Variants in BAG6 observed in about 807,000 individuals in gnomAD.
The protein encoded by BAG6 is BAG cochaperone 6.
Under a neutral mutation model 121.0 loss-of-function variants are expected in BAG6, and 22 were observed. That is an observed-to-expected ratio of 0.18 (90% CI 0.13 to 0.26). BAG6 has a LOEUF of 0.26. Ranked by LOEUF, BAG6 falls within the 10% of genes least tolerant of loss-of-function variation. BAG6 has a pLI of 1.00. For missense variants in BAG6, 1,233 were observed against 1,537.7 expected (o/e 0.80, Z 3.31); for synonymous variants, 583 against 584.6 (o/e 1.00, Z 0.04).
At chr6:31,652,039 G>A (rs1329542063) in intron 1 of BAG6, 9 of 381,126 alleles carry the variant, frequency 2.4e-5, no homozygotes, top group South Asian at 4.6e-5. Flanking sequence ...GAGCCAGTCA[G>A]ATTAGGAAGG....
rs773935453 is a variant in BAG6, at chr6:31,644,118, A to T, written c.1632T>A (p.Pro544=). Residue 544 remains proline (P), a synonymous_variant, in exon 13 of 26, where the codon CCT becomes CCA. Coordinates refer to ENST00000676615, the MANE Select transcript of BAG6 (RefSeq NM_001387994.1). This position sits in a 1 kb window ranked among gnomAD's most constrained non-coding sequence, Gnocchi z 4.9. ...AGACTGGGGGCCCTCCAGGATGGGA[A>T]GGCCGAGCCTGTGGAGGAGTGGGCC... ...IARPTPPQAR[P]SHPGGPPVSG... is the part of the protein sequence containing the mutation. 6.2e-7 allele frequency: 1 copy of T among 1,613,966 alleles called. No homozygotes were observed. The highest frequency in any genetic ancestry group is 8.5e-7 in the Non-Finnish European group (1 of 1,179,920).
At chr6:31,646,833 G>A (rs1282839250) in intron 7 of BAG6, among the ~76,000 whole-genome samples, 1 of 142,108 alleles carries the variant, frequency 7.0e-6, no homozygotes, top group Non-Finnish European at 1.5e-5. Context: ...GAGTGCAGTG[G>A]TGCGACCTCA....
intron 6 of BAG6, 57 bp downstream of exon 6, chr6:31,648,620 T>G: frequency 6.4e-7 from 1 of 1,567,132 alleles, no homozygotes; most frequent in Non-Finnish European, 8.8e-7. Flanking sequence ...ACTCCCAGGC[T>G]GAGAGAAAAG....
Position 31,649,181 on chromosome 6 carries a change from TG to T in BAG6, c.423+17del, listed in dbSNP as rs1561952913. ...AAAGCTACCCACAAAAGCCCTCCCC[TG>T]TGGAACATAAGCTTACAGGAAGATT... On this transcript the variant is annotated intron_variant, in intron 4 of 25. Coordinates refer to ENST00000676615, the MANE Select transcript of BAG6 (RefSeq NM_001387994.1). 6.2e-7 allele frequency: 1 copy of T among 1,612,768 alleles called. No homozygotes were observed. The highest frequency in any genetic ancestry group is 1.7e-5 in the Admixed American group (1 of 60,016).
In BAG6 at chr6:31,644,677, C is replaced by T. The variant is rs1392347102; in HGVS notation, c.1370-75G>A. ...CTAACTATATCCTTCTGAGATCAGGCATACTTCAGGCCCATAATCCCCCAA... is the reference window on the plus strand; with the variant it reads ...CTAACTATATCCTTCTGAGATCAGGTATACTTCAGGCCCATAATCCCCCAA... On this transcript the variant is annotated intron_variant, in intron 10 of 25. Coordinates refer to ENST00000676615, the MANE Select transcript of BAG6 (RefSeq NM_001387994.1). The surrounding 1 kb of genome is among the most constrained non-coding windows in gnomAD (Gnocchi z 4.9). 4 of 1,469,984 alleles carry T rather than the reference C, an allele frequency of 2.7e-6. No individual in the cohort carries two copies. In the South Asian group the frequency reaches 4.6e-5, roughly 17 times the overall value. 91.1% of individuals were successfully genotyped at this position (1,469,984 alleles called of 1,614,324 possible).
In BAG6 at chr6:31,651,713, C is replaced by T. The variant is rs1178197894; in HGVS notation, c.51G>A (p.Leu17=). ...AGTCCAAGGTCTTCACCAACACCTC[C>T]AAGCTGTCAGGCTCCTCCACAGCGG... ...TSTAVEEPDS[L]EVLVKTLDSQ... The change falls in exon 2 of 26, where the codon TTG becomes TTA. Residue 17 remains leucine (L), a synonymous_variant. Transcript: ENST00000676615. 1.2e-6 allele frequency: 2 copies of T among 1,613,028 alleles called. No individual in the cohort carries two copies. The highest frequency in any genetic ancestry group is 1.7e-6 in the Non-Finnish European group (2 of 1,180,034).
rs767221575 is a variant in BAG6 at position 31,640,148 on chromosome 6, T to C, written c.3246+51A>G. 1 of 1,567,312 alleles carries C rather than the reference T, an allele frequency of 6.4e-7. No homozygotes were observed. The highest frequency in any genetic ancestry group is 1.7e-5 in the Admixed American group (1 of 59,698). ...TCTCTACATAGTTTGATTCCAGGCA[T>C]GACGGGGAAACCTGGATAGAGAGAG... On this transcript the variant is annotated intron_variant, in intron 24 of 25. Transcript: ENST00000676615. This position sits in a 1 kb window ranked among gnomAD's most constrained non-coding sequence, Gnocchi z 4.2.
At chr6:31,639,452 G>A in intron 25 of BAG6, 48 bp downstream of exon 25, 1 of 1,583,522 alleles carries the variant, frequency 6.3e-7, no homozygotes, top group Non-Finnish European at 8.6e-7. Context: ...AGGGACCCTA[G>A]CCCAACCCCT....
rs1305078387 is a variant in BAG6 at position 31,647,744 on chromosome 6, G to C, written c.635C>G (p.Ser212Cys). 2 of 1,605,632 alleles carry C rather than the reference G, an allele frequency of 1.2e-6. No homozygotes were observed. The highest frequency in any genetic ancestry group is 1.7e-5 in the Admixed American group (1 of 57,930). The change falls in exon 7 of 26, where the codon TCT (serine) becomes TGT (cysteine). Residue 212 changes from serine (S) to cysteine (C), a missense_variant. Ser to Cys is a moderately radical substitution (Grantham distance 112, BLOSUM62 -1). This residue lies in a region of BAG6 where 777 missense variants were observed against 861.4 expected (regional missense o/e 0.90). Transcript: ENST00000676615. ...ACTTTCAACTGGTTCTGATGTTTGAGAGCTCAAGGCTACTGGCTCCGGGGT... is the reference window on the plus strand; with the variant it reads ...ACTTTCAACTGGTTCTGATGTTTGACAGCTCAAGGCTACTGGCTCCGGGGT... Reference protein sequence around the residue: ...AVTPEPVALSSQTSEPVESEA... With the variant: ...AVTPEPVALSCQTSEPVESEA...
At chr6:31,643,834 A>G in intron 14 of BAG6, 56 bp downstream of exon 14, 1 of 1,562,878 alleles carries the variant, frequency 6.4e-7, no homozygotes, top group Non-Finnish European at 8.8e-7. Context: ...GGAAAGTGCC[A>G]GTGAGCAGAC....
rs910809808 is a variant in BAG6 at position 31,642,837 on chromosome 6, A to T, written c.2035T>A (p.Phe679Ile). 6.2e-7 allele frequency: 1 copy of T among 1,612,200 alleles called. No individual in the cohort carries two copies. Residue 679 changes from phenylalanine to isoleucine, a missense_variant, in exon 15 of 26, where the codon TTC becomes ATC. Phe to Ile is a conservative substitution (Grantham distance 21, BLOSUM62 0). This residue lies in a region of BAG6 where 777 missense variants were observed against 861.4 expected (regional missense o/e 0.90). Transcript: ENST00000676615. ...VPAFLQGMTD[F>I]LQATQTAPPP... ...GCAAGCCAGCCACTCACCTGCAAGA[A>T]GTCAGTCATGCCTTGGAGAAAGGCA...
At chr6:31,645,782 G>A (rs1249882973) in intron 8 of BAG6, among the ~76,000 whole-genome samples, 178 bp from the exon 9 acceptor site, 2 of 152,154 alleles carry the variant, frequency 1.3e-5, no homozygotes, top group Non-Finnish European at 2.9e-5. Flanking sequence ...TTCACATAAG[G>A]AACATCCTAT....
chr6:31,646,320 A>G, intron 8 of BAG6, 74 bp downstream of exon 8: 1 of 1,554,168 alleles, frequency 6.4e-7, no homozygotes. Context: ...GGAAAGAGTT[A>G]TCTGCATTTC....
chr6:31,647,627 G>T lies in BAG6; in HGVS notation c.752C>A (p.Ala251Glu). The T allele has an allele frequency of 6.2e-7, 1 of 1,606,488 alleles. No individual in the cohort carries two copies. The highest frequency in any genetic ancestry group is 1.1e-5 in the South Asian group (1 of 90,092). Reference protein sequence around the residue: ...NPELTPGPAPAGPTPAPETNA... With the variant: ...NPELTPGPAPEGPTPAPETNA... The stretch of plus-strand genomic sequence containing the variant: ...TGTTTCCGGGGCAGGTGTTGGGCCC[G>T]CTGGGGCTGGGCCAGGAGTGAGCTC... The change falls in exon 7 of 26, where the codon GCG becomes GAG. Residue 251 changes from alanine (A) to glutamate (E), a missense_variant. Ala to Glu is a moderately radical substitution (Grantham distance 107). Around this residue, in one of 7 missense-constraint regions of BAG6, gnomAD observed 777 missense variants for 861.4 expected, o/e 0.90. Coordinates refer to ENST00000676615, the MANE Select transcript of BAG6 (RefSeq NM_001387994.1).
In BAG6 at chr6:31,651,756, G is replaced by C; in HGVS notation, c.8C>G (p.Pro3Arg). Residue 3 changes from proline to arginine, a missense_variant, in exon 2 of 26, where the codon CCT (proline) becomes CGT (arginine). This residue lies in a region of BAG6 where 25 missense variants were observed against 16.5 expected (regional missense o/e 1.52). Coordinates refer to ENST00000676615, the MANE Select transcript of BAG6 (RefSeq NM_001387994.1). ME[P>R]NDSTSTAVEE... ...CACAGCGGTACTGGTACTATCATTA[G>C]GCTCCATGGCCGACAGGTCTCTAAA... The C allele has an allele frequency of 6.2e-7, 1 of 1,612,970 alleles. No individual in the cohort carries two copies. Among genetic ancestry groups the C allele is most frequent in the South Asian group, 1.1e-5 (1 of 91,076 alleles).
Position 31,641,738 on chromosome 6 carries a change from A to C in BAG6, c.2505+38T>G, listed in dbSNP as rs1470264151. 1 of 1,612,170 alleles carries C rather than the reference A, an allele frequency of 6.2e-7. No homozygotes were observed. The highest frequency in any genetic ancestry group is 1.7e-5 in the Admixed American group (1 of 59,808). ...GTCAGAAATAAGGAATAAAATGTGC[A>C]AAAGAGGAGAGTTCTGGGGCCCCTG... On this transcript the variant is annotated intron_variant, in intron 17 of 25. Coordinates refer to ENST00000676615, the MANE Select transcript of BAG6 (RefSeq NM_001387994.1). This position sits in a 1 kb window ranked among gnomAD's most constrained non-coding sequence, Gnocchi z 5.7.
rs66820473 is a variant in BAG6 at position 31,646,766 on chromosome 6, G to GTTTTTTTTTT, written c.789-253_789-244dup. The stretch of plus-strand genomic sequence containing the variant: ...CTGCCACCACACCCGGCTAATTTTT[G>GTTTTTTTTTT]TTTTTTTTTTTTTTTTTTTTTTTTT... On this transcript the variant is annotated intron_variant, in intron 7 of 25. Transcript: ENST00000676615. 5.9e-4 allele frequency among the ~76,000 whole-genome samples: 36 copies of GTTTTTTTTTT among 60,654 alleles called. 1 individual carries two copies. Among genetic ancestry groups the GTTTTTTTTTT allele is most frequent in the East Asian group, 1.0e-3 (2 of 1,952 alleles). 39.8% of individuals were successfully genotyped at this position (60,654 alleles called of 152,430 possible).
At chr6:31,642,469 C>T (rs546186373) in intron 15 of BAG6, 66 bp from the exon 16 acceptor site, 15 of 767,760 alleles carry the variant, frequency 2.0e-5, no homozygotes, top group South Asian at 8.4e-5. Flanking sequence ...GGAAATAATA[C>T]GGCATCAAGA....
In BAG6 at chr6:31,641,361, T is replaced by G; in HGVS notation, c.2621A>C (p.Glu874Ala). The change falls in exon 19 of 26, where the codon GAG becomes GCG. Residue 874 changes from glutamate (E) to alanine (A), a missense_variant. Glu to Ala is a moderately radical substitution (Grantham distance 107). Coordinates refer to ENST00000676615, the MANE Select transcript of BAG6 (RefSeq NM_001387994.1). The surrounding 1 kb of genome is among the most constrained non-coding windows in gnomAD (Gnocchi z 5.7). ...IIRTNLEFLQ[E>A]QFNSIAAHVL... ...ATGCGCAGCAATGCTATTAAACTGC[T>G]CTTGGAGAAATTCCAGGTTTGTCCG... The G allele has an allele frequency of 6.2e-7, 1 of 1,614,240 alleles. No homozygotes were observed. The highest frequency in any genetic ancestry group is 1.3e-5 in the African/African-American group (1 of 75,060).
Sources: gnomAD v4.1 joint callset for allele counts (sites outside exome capture counted in the v4.1 genomes callset) on GRCh38, gnomAD v4.1.1 for gene constraint, gnomAD v4.1.1 regional missense constraint, Gnocchi (gnomAD v3.1) non-coding constraint, MANE v1.5 for transcripts, NCBI Gene and HGNC (gene_info 2026-07-23, HGNC 2026-07-21) for gene names.